Variants in PDS5B observed in about 807,000 individuals in gnomAD.
The protein encoded by PDS5B is PDS5 cohesin associated factor B.
In PDS5B, 51 loss-of-function variants were observed where a neutral mutation model predicts 184.1. The ratio of observed to expected loss-of-function variants is 0.28; its 90% CI spans 0.22 to 0.35. PDS5B has a LOEUF of 0.35. Ranked by LOEUF, PDS5B falls within the 10% of genes least tolerant of loss-of-function variation. The pLI is 1.00. For missense variants in PDS5B, 1,180 were observed against 1,723.3 expected, an observed-to-expected ratio of 0.68 and a Z score of 5.58; for synonymous variants, 566 against 569.2, an observed-to-expected ratio of 0.99 and a Z score of 0.08.
chr13:32,595,072 C>G (rs1283423455), intron 1 of PDS5B, among the ~76,000 whole-genome samples: 1 of 152,118 alleles, frequency 6.6e-6, no homozygotes, highest in East Asian at 1.9e-4. Context: ...CTGTTGGACA[C>G]AACACCTCCA....
intron 1 of PDS5B, among the ~76,000 whole-genome samples, chr13:32,636,840 A>G (rs962983156): frequency 6.6e-6 from 1 of 152,236 alleles, no homozygotes; most frequent in Non-Finnish European, 1.5e-5. Flanking sequence ...GTGTGAGAGC[A>G]TGCAGTCAAG....
At chr13:32,736,766 T>C (rs1953344029) in intron 21 of PDS5B, among the ~76,000 whole-genome samples, 1 of 152,146 alleles carries the variant, frequency 6.6e-6, no homozygotes, top group Admixed American at 6.5e-5. Flanking sequence ...ACATTGTTTT[T>C]TTGCTGTGAC....
chr13:32,595,964 G>A (rs2057859399), intron 1 of PDS5B, among the ~76,000 whole-genome samples: 1 of 152,166 alleles, frequency 6.6e-6, no homozygotes, highest in African/African-American at 2.4e-5. Context: ...TATTGAATAT[G>A]TGTAATAATG....
chr13:32,660,249 C>T (rs1217640666), intron 6 of PDS5B, among the ~76,000 whole-genome samples: 1 of 152,200 alleles, frequency 6.6e-6, no homozygotes, highest in African/African-American at 2.4e-5. Context: ...AGTAGACCTG[C>T]AGAGGCTCTT....
chr13:32,742,621 C>G lies in PDS5B; in HGVS notation c.2506C>G (p.Leu836Val). The change falls in exon 23 of 35, where the codon CTA becomes GTA. Residue 836 changes from leucine to valine, a missense_variant. By Grantham distance (32) the Leu-to-Val change is conservative (BLOSUM62 1). Coordinates refer to ENST00000315596, the MANE Select transcript of PDS5B (RefSeq NM_015032.4). ...GGCTATTAAAATGATGGTTCGATGG[C>G]TACTTGGAATGAAAAATAATCACAG... is the stretch of plus-strand genomic sequence containing the variant. ...IQAIKMMVRW[L>V]LGMKNNHSKS... 1 of 1,611,166 alleles carries G rather than the reference C, an allele frequency of 6.2e-7. No individual in the cohort carries two copies. Among genetic ancestry groups the G allele is most frequent in the Non-Finnish European group, 8.5e-7 (1 of 1,177,790 alleles).
chr13:32,752,088 T>C (rs949692467), intron 24 of PDS5B, among the ~76,000 whole-genome samples: 1 of 152,110 alleles, frequency 6.6e-6, no homozygotes, highest in Non-Finnish European at 1.5e-5. Context: ...CATGAAGGTC[T>C]TTGTAGGTCA....
intron 24 of PDS5B, among the ~76,000 whole-genome samples, chr13:32,749,535 G>A (rs1339232308): frequency 6.6e-6 from 1 of 152,098 alleles, no homozygotes; most frequent in Non-Finnish European, 1.5e-5. Context: ...TTGGAATTCA[G>A]TTCATGAAAG....
At chr13:32,670,471 G>A (rs891090528) in intron 7 of PDS5B, among the ~76,000 whole-genome samples, 2 of 152,076 alleles carry the variant, frequency 1.3e-5, no homozygotes, top group East Asian at 1.9e-4. Context: ...CAAGCAGTCC[G>A]CCTGCCTTGG....
intron 32 of PDS5B, 40 bp downstream of exon 32, chr13:32,770,600 T>C (rs1954749235): frequency 2.5e-6 from 4 of 1,601,364 alleles, no homozygotes; most frequent in African/African-American, 1.4e-5. Context: ...GTTTCGTTAC[T>C]ATATTATAAA....
rs1214806776 is a variant in PDS5B, at chr13:32,734,032, C to CT, written c.2248-1129dup. Among the ~76,000 whole-genome samples the CT allele has an allele frequency of 4.2e-3, 447 of 107,278 alleles. 5 individuals are homozygous for CT. The highest frequency in any genetic ancestry group is 0.024 in the African/African-American group (389 of 16,006). 70.4% of individuals were successfully genotyped at this position (107,278 alleles called of 152,430 possible). ...CACACACAAACATATATTTTGTTTT[C>CT]TTTTTTTTTTTCTGAGATAGAGTCT... is the stretch of plus-strand genomic sequence containing the variant. On this transcript the variant is annotated intron_variant, in intron 20 of 34. Transcript: ENST00000315596.
intron 1 of PDS5B, among the ~76,000 whole-genome samples, chr13:32,599,513 C>T (rs2057939133): frequency 6.6e-6 from 1 of 151,962 alleles, no homozygotes; most frequent in Non-Finnish European, 1.5e-5. Flanking sequence ...ATCTGCCCGC[C>T]TTGGGCTCCC....
chr13:32,769,373 G>A (rs1055520878), intron 31 of PDS5B, among the ~76,000 whole-genome samples: 1 of 152,112 alleles, frequency 6.6e-6, no homozygotes, highest in Non-Finnish European at 1.5e-5. Context: ...TATAAATTGC[G>A]CAGACTTTTG....
intron 7 of PDS5B, among the ~76,000 whole-genome samples, chr13:32,669,643 G>T (rs1194075126): frequency 6.6e-6 from 1 of 152,018 alleles, no homozygotes; most frequent in African/African-American, 2.4e-5. Flanking sequence ...GTTCTTGCTT[G>T]CAGAAATAGA....
intron 19 of PDS5B, among the ~76,000 whole-genome samples, chr13:32,719,557 A>T (rs1262457046): frequency 6.6e-6 from 1 of 151,818 alleles, no homozygotes; most frequent in East Asian, 1.9e-4. Context: ...CTGCCCCACC[A>T]TGTATGGTAT....
chr13:32,652,169 T>C (rs1406451757), intron 3 of PDS5B, 162 bp downstream of exon 3: 15 of 579,910 alleles, frequency 2.6e-5, no homozygotes, highest in Non-Finnish European at 4.2e-5. Flanking sequence ...TTAGAACTTA[T>C]TTTTGAAAAA....
At chr13:32,706,423 A>G (rs1312510167) in intron 17 of PDS5B, among the ~76,000 whole-genome samples, 3 of 152,032 alleles carry the variant, frequency 2.0e-5, no homozygotes, top group Admixed American at 2.0e-4. Context: ...ATGAGGTTTT[A>G]TTGTATGTCT....
rs138010326 is a variant in PDS5B, at chr13:32,641,915, C to G, written c.-19-6839C>G. 3.3e-5 allele frequency among the ~76,000 whole-genome samples: 5 copies of G among 152,284 alleles called. No homozygotes were observed. The East Asian group carries it at 9.6e-4, about 29-fold the overall frequency. On this transcript the variant is annotated intron_variant, in intron 1 of 34. Transcript: ENST00000315596. ...TCTGGGTTTTCCCCCATCTCCATTA[C>G]AACGAGGGCAGAGCTCTTTCTTGTA...
At chr13:32,693,250 T>G (rs1376944860) in intron 13 of PDS5B, among the ~76,000 whole-genome samples, 2 of 151,998 alleles carry the variant, frequency 1.3e-5, no homozygotes, top group African/African-American at 4.8e-5. Flanking sequence ...ATTAGTAAAG[T>G]ATAGCTATTT....
chr13:32,738,422 G>A (rs2140965682), intron 21 of PDS5B, among the ~76,000 whole-genome samples: 1 of 152,244 alleles, frequency 6.6e-6, no homozygotes, highest in Non-Finnish European at 1.5e-5. Flanking sequence ...TAGTCCCAAT[G>A]TGCATTTCTG....
Sources: allele counts gnomAD v4.1 joint callset (sites outside exome capture counted in the v4.1 genomes callset), GRCh38; gene constraint gnomAD v4.1.1; transcripts MANE v1.5; gene names NCBI Gene and HGNC (gene_info 2026-07-23, HGNC 2026-07-21).